Variants in BMPER observed in about 807,000 individuals in gnomAD.
The protein encoded by BMPER is BMP-binding endothelial regulator protein.
A neutral mutation model predicts 87.3 loss-of-function variants in BMPER; 45 were observed. That is an observed-to-expected ratio of 0.52 (90% confidence interval 0.41 to 0.66). BMPER has a LOEUF of 0.66. Ranked by LOEUF, BMPER falls within the 30% of genes least tolerant of loss-of-function variation. The pLI is 0.00. For synonymous variants in BMPER, 326 were observed against 316.2 expected (o/e 1.03, Z -0.33); for missense variants, 784 against 867.5 (o/e 0.90, Z 1.21).
At chr7:33,939,381 G>T (rs1220136469) in intron 3 of BMPER, among the ~76,000 whole-genome samples, 1 of 152,066 alleles carries the variant, frequency 6.6e-6, no homozygotes, top group Non-Finnish European at 1.5e-5. Flanking sequence ...AACCAATCTG[G>T]ACCCAAGAAC....
At chr7:33,940,938 TTATA>T (rs1157203882) in intron 3 of BMPER, among the ~76,000 whole-genome samples, 1 of 137,250 alleles carries the variant, frequency 7.3e-6, no homozygotes, top group African/African-American at 2.7e-5. Flanking sequence ...ATAATAGAAT[TTATA>T]TATGTAACAT....
At chr7:34,105,582 A>T (rs758523306) in intron 13 of BMPER, among the ~76,000 whole-genome samples, 8 of 152,312 alleles carry the variant, frequency 5.3e-5, no homozygotes, top group Non-Finnish European at 4.4e-5. Context: ...CCAATGGAGG[A>T]TGAAATCATT....
chr7:34,031,710 A>G (rs1037479838), intron 6 of BMPER, among the ~76,000 whole-genome samples: 2 of 151,764 alleles, frequency 1.3e-5, no homozygotes, highest in Non-Finnish European at 2.9e-5. Flanking sequence ...CTTATAGAGC[A>G]AGCACTGTGC....
At chr7:33,994,203 G>A (rs1368170255) in intron 6 of BMPER, among the ~76,000 whole-genome samples, 9 of 152,190 alleles carry the variant, frequency 5.9e-5, no homozygotes, top group African/African-American at 2.2e-4. Flanking sequence ...GCAATGGTGG[G>A]CGCCCCTCCC....
At chr7:33,919,923 ATATCTATC>A (rs61007454) in intron 2 of BMPER, among the ~76,000 whole-genome samples, 101 of 150,828 alleles carry the variant, frequency 6.7e-4, no homozygotes, top group African/African-American at 2.2e-3. Flanking sequence ...ATCTGTGTAC[ATATCTATC>A]TATCTATCTA....
In BMPER at chr7:33,966,488, A is replaced by G. The variant is rs1316332813; in HGVS notation, c.329A>G (p.Tyr110Cys). 3.7e-6 allele frequency: 6 copies of G among 1,613,564 alleles called. No individual in the cohort carries two copies. The African/African-American group carries it at 4.0e-5, about 11-fold the overall frequency. The change falls in exon 4 of 15, where the codon TAT becomes TGT. Residue 110 changes from tyrosine (Y) to cysteine (C), a missense_variant. Tyr to Cys is a radical substitution (Grantham distance 194). Transcript: ENST00000649409. The stretch of plus-strand genomic sequence containing the variant: ...TGTGTCTCCTGTCTAGGTTGCACCT[A>G]TGAAGGAAATACCTATAACAGCTCC... The part of the protein sequence containing the change: ...ACCEQCKGCT[Y>C]EGNTYNSSFK...
intron 6 of BMPER, among the ~76,000 whole-genome samples, chr7:33,981,003 C>T (rs1785842786): frequency 6.6e-6 from 1 of 152,226 alleles, no homozygotes; most frequent in African/African-American, 2.4e-5. Context: ...GTCTCTTAGA[C>T]TGGATTCTTG....
intron 2 of BMPER, among the ~76,000 whole-genome samples, chr7:33,923,932 T>C (rs1040690639): frequency 9.9e-5 from 15 of 152,190 alleles, no homozygotes; most frequent in African/African-American, 3.6e-4. Flanking sequence ...TACAGATCCA[T>C]TGCCTAAAAC....
Position 34,154,479 on chromosome 7 carries a change from G to A in BMPER, c.*1206G>A, listed in dbSNP as rs1019977739. The A allele has an allele frequency of 6.6e-6, 1 of 152,136 alleles. No individual in the cohort carries two copies. The highest frequency in any genetic ancestry group is 1.5e-5 in the Non-Finnish European group (1 of 68,028). 9.4% of individuals were successfully genotyped at this position (152,136 alleles called of 1,614,324 possible). On this transcript the variant is annotated 3_prime_UTR_variant, in exon 15 of 15. Transcript: ENST00000649409. ...TGTTCTGCATTGTAGTCAATAAAGGGCTTAAGATGTAAAACAATGCATTTT... is the reference window on the plus strand; with the variant it reads ...TGTTCTGCATTGTAGTCAATAAAGGACTTAAGATGTAAAACAATGCATTTT...
intron 2 of BMPER, among the ~76,000 whole-genome samples, chr7:33,932,203 T>G (rs983171658): frequency 2.6e-5 from 4 of 152,214 alleles, no homozygotes; most frequent in Non-Finnish European, 5.9e-5. Context: ...GGGGTATTTG[T>G]ATTTTGGTGG....
At position 34,031,974 on chromosome 7, in the gene BMPER, A is replaced by G. The variant is rs539782192; in HGVS notation, c.577-14332A>G. On this transcript the variant is annotated intron_variant, in intron 6 of 14. Transcript: ENST00000649409. ...TATACACACACACATATATATAAATATATCTTATATATAAATATATATGTG... is the reference window on the plus strand; with the variant it reads ...TATACACACACACATATATATAAATGTATCTTATATATAAATATATATGTG... 7.7e-3 allele frequency among the ~76,000 whole-genome samples: 1,010 copies of G among 131,562 alleles called. 10 individuals carry two copies. The highest frequency in any genetic ancestry group is 0.012 in the Non-Finnish European group (760 of 62,516). The allele number at this position is 131,562 out of a possible 152,430, so 86.3% of individuals were successfully genotyped here.
chr7:33,927,175 T>C (rs1784379449), intron 2 of BMPER, among the ~76,000 whole-genome samples: 1 of 152,242 alleles, frequency 6.6e-6, no homozygotes, highest in African/African-American at 2.4e-5. Flanking sequence ...TCCATTTACT[T>C]GTCAAGATCA....
chr7:34,116,913 C>T (rs1790131935), intron 13 of BMPER, among the ~76,000 whole-genome samples: 1 of 151,882 alleles, frequency 6.6e-6, no homozygotes, highest in Non-Finnish European at 1.5e-5. Flanking sequence ...TTGCTTGAAC[C>T]TGGGAGACAG....
At chr7:33,905,793 GTACC>G in intron 1 of BMPER, 47 bp downstream of exon 1, 14 of 1,383,002 alleles carry the variant, frequency 1.0e-5, no homozygotes, top group East Asian at 6.7e-5. Context: ...CGCCGGTTTG[GTACC>G]TGGGAAAGGT....
Position 34,047,066 on chromosome 7 carries a change from C to T in BMPER, c.676+661C>T, listed in dbSNP as rs374632722. Among the ~76,000 whole-genome samples, 3 of 151,826 alleles carry T rather than the reference C, an allele frequency of 2.0e-5. No homozygotes were observed. The East Asian group carries it at 5.8e-4, about 29-fold the overall frequency. The stretch of plus-strand genomic sequence containing the variant: ...AGTAGATTCCTTGATGGCAGCCCAG[C>T]GAGTGGGTTGTGGATTTGATATCCG... On this transcript the variant is annotated intron_variant, in intron 7 of 14. Coordinates refer to ENST00000649409, the MANE Select transcript of BMPER (RefSeq NM_001365308.1).
At chr7:34,052,050 C>G in intron 8 of BMPER, 80 bp downstream of exon 8, 1 of 1,230,798 alleles carries the variant, frequency 8.1e-7, no homozygotes, top group South Asian at 1.2e-5. Context: ...ATAGCCAAAG[C>G]CAATGGTGTG....
chr7:33,939,288 T>G (rs1240318942), intron 3 of BMPER, among the ~76,000 whole-genome samples: 1 of 152,164 alleles, frequency 6.6e-6, no homozygotes, highest in African/African-American at 2.4e-5. Context: ...TCCTCTTATC[T>G]TAATCTTTCA....
intron 3 of BMPER, among the ~76,000 whole-genome samples, chr7:33,956,974 T>C (rs1030158871): frequency 6.6e-6 from 1 of 152,144 alleles, no homozygotes; most frequent in Non-Finnish European, 1.5e-5. Flanking sequence ...AAATCTCTCA[T>C]ACATTGCTGG....
chr7:33,964,740 C>T (rs1785361638), intron 3 of BMPER, among the ~76,000 whole-genome samples: 1 of 152,136 alleles, frequency 6.6e-6, no homozygotes, highest in Non-Finnish European at 1.5e-5. Context: ...CACACTTCCT[C>T]CTCTAAAACA....
Sources: allele counts gnomAD v4.1 joint callset (sites outside exome capture counted in the v4.1 genomes callset), GRCh38; gene constraint gnomAD v4.1.1; transcripts MANE v1.5; gene names NCBI Gene and HGNC (gene_info 2026-07-23, HGNC 2026-07-21).